The following TBC1D12 variants were observed in gnomAD, a reference collection of about 807,000 sequenced individuals.
The protein encoded by TBC1D12 is TBC1 domain family, member 12.
TBC1D12 carries 56 observed loss-of-function variants against 86.7 expected under a neutral mutation model. That is an observed-to-expected ratio of 0.65 (90% CI 0.52 to 0.81). The LOEUF (loss-of-function observed/expected upper bound fraction) is 0.81. TBC1D12 is among the 30% of genes least tolerant of loss of function. The probability of loss-of-function intolerance (pLI) is 0.00; values close to 1 mark genes in which losing one functional copy is unlikely to be tolerated. For synonymous variants in TBC1D12, 421 were observed against 411.7 expected (o/e 1.02, Z -0.27); for missense variants, 1,023 against 1,038.8 (o/e 0.98, Z 0.21).
chr10:94,415,397 G>A (rs2054985483), intron 1 of TBC1D12, among the ~76,000 whole-genome samples: 1 of 152,218 alleles, frequency 6.6e-6, no homozygotes, highest in East Asian at 1.9e-4. Context: ...AAGGACTTGT[G>A]GTTCAGAATT....
intron 6 of TBC1D12, among the ~76,000 whole-genome samples, chr10:94,500,559 AATAATCTTCTTGGC>A (rs1396466377): frequency 6.6e-6 from 1 of 152,224 alleles, no homozygotes; most frequent in Non-Finnish European, 1.5e-5. Flanking sequence ...CACAACTATC[AATAATCTTCTTGGC>A]ATTCAAATAT....
intron 12 of TBC1D12, among the ~76,000 whole-genome samples, chr10:94,532,270 C>T (rs551131754): frequency 2.0e-4 from 31 of 151,918 alleles, no homozygotes; most frequent in African/African-American, 6.8e-4. Flanking sequence ...CACCGTCTCC[C>T]GGGTTCAAGC....
intron 2 of TBC1D12, among the ~76,000 whole-genome samples, chr10:94,443,629 A>G (rs1490806928): frequency 1.3e-5 from 2 of 152,236 alleles, no homozygotes; most frequent in Non-Finnish European, 2.9e-5. Flanking sequence ...CATCAGTTGG[A>G]TATGGTGGAG....
At chr10:94,468,571 C>T (rs373902810) in intron 2 of TBC1D12, among the ~76,000 whole-genome samples, 134 of 152,082 alleles carry the variant, frequency 8.8e-4, no homozygotes, top group African/African-American at 3.1e-3. Flanking sequence ...TTTTCACATT[C>T]AGTCTTTTCA....
chr10:94,453,054 G>A (rs192469868), intron 2 of TBC1D12, among the ~76,000 whole-genome samples: 217 of 152,260 alleles, frequency 1.4e-3, no homozygotes, highest in Middle Eastern at 6.8e-3. Flanking sequence ...CTCTTCACAT[G>A]CTTACTTGCC....
At chr10:94,510,541 C>G (rs963397944) in intron 8 of TBC1D12, among the ~76,000 whole-genome samples, 2 of 152,080 alleles carry the variant, frequency 1.3e-5, no homozygotes, top group Non-Finnish European at 2.9e-5. Context: ...TAAAAATTTT[C>G]AGAATTATCA....
At chr10:94,447,056 T>G (rs2055473907) in intron 2 of TBC1D12, among the ~76,000 whole-genome samples, 1 of 73,846 alleles carries the variant, frequency 1.4e-5, no homozygotes, top group Non-Finnish European at 2.9e-5. Context: ...CTGAGCTGTT[T>G]CAAAAAAAAA....
chr10:94,514,301 G>A (rs1194728523), intron 9 of TBC1D12, among the ~76,000 whole-genome samples: 1 of 152,150 alleles, frequency 6.6e-6, no homozygotes, highest in Non-Finnish European at 1.5e-5. Flanking sequence ...CTAGAGTTCA[G>A]GCTCTTGAAG....
intron 12 of TBC1D12, among the ~76,000 whole-genome samples, chr10:94,531,668 T>TG: frequency 6.9e-6 from 1 of 145,370 alleles, no homozygotes; most frequent in African/African-American, 2.5e-5. Flanking sequence ...TTTTATTTTA[T>TG]TTTATTTTAT....
chr10:94,404,935 T>G (rs1031539550), intron 1 of TBC1D12, among the ~76,000 whole-genome samples: 2 of 151,408 alleles, frequency 1.3e-5, no homozygotes, highest in South Asian at 2.1e-4. Flanking sequence ...TAATCCCAGC[T>G]ACTTGGGAGG....
At position 94,536,208 on chromosome 10, in the gene TBC1D12, C is replaced by A. The variant is rs1465133569; in HGVS notation, c.*3112C>A. ...CAGTATATTTTCAATTAAAAAAAAA[C>A]TTTTCCTAAAATACTCAAAATAATG... is the stretch of plus-strand genomic sequence containing the variant. On this transcript the variant is annotated 3_prime_UTR_variant, in exon 13 of 13. Coordinates refer to ENST00000225235, the MANE Select transcript of TBC1D12 (RefSeq NM_015188.2). Among the ~76,000 whole-genome samples, 4 of 151,832 alleles carry A rather than the reference C, an allele frequency of 2.6e-5. No homozygotes were observed. The South Asian group carries it at 8.3e-4, about 32-fold the overall frequency.
intron 11 of TBC1D12, among the ~76,000 whole-genome samples, chr10:94,523,930 C>T (rs899816049): frequency 2.6e-5 from 4 of 152,190 alleles, no homozygotes; most frequent in Non-Finnish European, 5.9e-5. Flanking sequence ...GATTGCACCA[C>T]TGTCCTCCAG....
At chr10:94,469,447 CTTTTTTTTTTTT>C (rs71031578) in intron 2 of TBC1D12, among the ~76,000 whole-genome samples, 1 of 112,558 alleles carries the variant, frequency 8.9e-6, no homozygotes. Flanking sequence ...GAGTTTTTTC[CTTTTTTTTTTTT>C]TTTTTTTGAG....
intron 2 of TBC1D12, among the ~76,000 whole-genome samples, chr10:94,464,819 G>C (rs1428212971): frequency 6.6e-6 from 1 of 152,150 alleles, no homozygotes; most frequent in Admixed American, 6.5e-5. Flanking sequence ...CAACATATTT[G>C]TGAAAAATGA....
At position 94,474,672 on chromosome 10, in the gene TBC1D12, A is replaced by G. The variant is rs2055960480; in HGVS notation, c.1100A>G (p.Tyr367Cys). ...GTATGTTTTAATTTACTCTAGGAAT[A>G]TGAAGCACGAACGGGGAGGACCTGT... ...QKTSKIIQQEYEARTGRTCKP... is the reference protein window; with the variant it reads ...QKTSKIIQQECEARTGRTCKP... The change falls in exon 3 of 13, where the codon TAT becomes TGT. Residue 367 changes from tyrosine (Y) to cysteine (C), a missense_variant. Around this residue, in one of 2 missense-constraint regions of TBC1D12, gnomAD observed 395 missense variants for 507.7 expected, o/e 0.78. Transcript: ENST00000225235. 6.2e-7 allele frequency: 1 copy of G among 1,613,790 alleles called. No individual in the cohort carries two copies. The highest frequency in any genetic ancestry group is 1.7e-5 in the Admixed American group (1 of 59,996).
intron 1 of TBC1D12, among the ~76,000 whole-genome samples, chr10:94,432,157 GGTCT>G (rs1208003859): frequency 1.3e-5 from 2 of 151,976 alleles, no homozygotes; most frequent in Non-Finnish European, 2.9e-5. Context: ...TCTGTCTGTC[GGTCT>G]GTCTTTCATT....
At chr10:94,522,299 C>A in intron 10 of TBC1D12, 45 bp from the exon 11 acceptor site, 1 of 1,167,084 alleles carries the variant, frequency 8.6e-7, no homozygotes, top group Non-Finnish European at 1.2e-6. Context: ...TTCTTTATTT[C>A]TAGACTATAT....
chr10:94,503,895 G>A (rs147538498), intron 6 of TBC1D12, among the ~76,000 whole-genome samples: 3,903 of 152,280 alleles, frequency 0.026, 79 homozygotes, highest in Middle Eastern at 0.041. Context: ...AAAGTGCTGG[G>A]CTTACAGGCA....
At chr10:94,521,246 AAAC>A (rs1286752316) in intron 9 of TBC1D12, among the ~76,000 whole-genome samples, 2 of 151,614 alleles carry the variant, frequency 1.3e-5, no homozygotes, top group African/African-American at 4.8e-5. Flanking sequence ...AACAAAAAAA[AAAC>A]AGGAGAAGAA....
Sources: allele counts gnomAD v4.1 joint callset (sites outside exome capture counted in the v4.1 genomes callset), GRCh38; gene constraint gnomAD v4.1.1; regional missense constraint gnomAD v4.1.1; transcripts MANE v1.5; gene names NCBI Gene and HGNC (gene_info 2026-07-23, HGNC 2026-07-21).